Variants in CACNA2D3 observed in about 807,000 individuals in gnomAD.
CACNA2D3 encodes the protein calcium voltage-gated channel auxiliary subunit alpha2delta 3, also known as voltage-dependent calcium channel subunit alpha-2/delta-3.
CACNA2D3 carries 60 observed loss-of-function variants against 160.6 expected under a neutral mutation model. The observed-to-expected ratio is 0.37, with a 90% CI of 0.30 to 0.46. The LOEUF is 0.46. Among genes scored for constraint, CACNA2D3 ranks in the 20% least tolerant of loss-of-function variants. The pLI, the probability that CACNA2D3 is intolerant of heterozygous loss-of-function variation, is 1.00. For synonymous variants in CACNA2D3, 558 were observed against 492.9 expected, an observed-to-expected ratio of 1.13 and a Z score of -1.75; for missense variants, 1,205 against 1,365.0, an observed-to-expected ratio of 0.88 and a Z score of 1.85.
intron 2 of CACNA2D3, among the ~76,000 whole-genome samples, chr3:54,310,916 G>A (rs914472665): frequency 1.6e-4 from 25 of 152,140 alleles, no homozygotes; most frequent in African/African-American, 6.0e-4. Flanking sequence ...CTTGTTACGT[G>A]GCTAGTACAT....
At chr3:54,242,614 A>C (rs1475437197) in intron 2 of CACNA2D3, among the ~76,000 whole-genome samples, 1 of 152,210 alleles carries the variant, frequency 6.6e-6, no homozygotes, top group Non-Finnish European at 1.5e-5. Flanking sequence ...CCAGGCAGCT[A>C]CTGAGTGACA....
At chr3:54,186,355 G>T (rs1700878192) in intron 2 of CACNA2D3, among the ~76,000 whole-genome samples, 1 of 152,076 alleles carries the variant, frequency 6.6e-6, no homozygotes, top group East Asian at 1.9e-4. Context: ...TGAATCTAGG[G>T]GTGAATTCCA....
intron 27 of CACNA2D3, among the ~76,000 whole-genome samples, chr3:54,953,384 G>C (rs9839256): frequency 0.41 from 61,651 of 151,956 alleles, 14,055 homozygotes; most frequent in East Asian, 0.75. Flanking sequence ...GGTGGGGCCC[G>C]GTAACACTAC....
chr3:54,764,261 T>C lies in CACNA2D3; in HGVS notation c.1290T>C (p.Asn430=), dbSNP rs772632572. 1.9e-6 allele frequency: 3 copies of C among 1,613,720 alleles called. No homozygotes were observed. The highest frequency in any genetic ancestry group is 3.3e-5 in the Admixed American group (2 of 59,994). The stretch of plus-strand genomic sequence containing the variant: ...CCACCTTGGCTGATGTGCAGGAGAA[T>C]GTCATGGAATACCTTCACGTGCTTA... ...QISTLADVQE[N]VMEYLHVLSR... The change falls in exon 13 of 38, where the codon AAT becomes AAC. Residue 430 remains asparagine, a synonymous_variant. Coordinates refer to ENST00000474759, the MANE Select transcript of CACNA2D3 (RefSeq NM_018398.3).
chr3:54,315,740 T>C (rs909769815), intron 2 of CACNA2D3, among the ~76,000 whole-genome samples: 1 of 151,850 alleles, frequency 6.6e-6, no homozygotes, highest in Non-Finnish European at 1.5e-5. Context: ...CCTGGGCCTG[T>C]GATACACGTG....
At chr3:54,340,416 A>G (rs1304762443) in intron 3 of CACNA2D3, among the ~76,000 whole-genome samples, 1 of 152,236 alleles carries the variant, frequency 6.6e-6, no homozygotes, top group Non-Finnish European at 1.5e-5. Flanking sequence ...AGTATTTTTA[A>G]CAATCCATTT....
intron 31 of CACNA2D3, among the ~76,000 whole-genome samples, chr3:54,992,780 G>C (rs959174355): frequency 7.3e-6 from 1 of 137,366 alleles, no homozygotes; most frequent in African/African-American, 2.7e-5. Flanking sequence ...TGAACAACAA[G>C]AAAAAAAAAA....
intron 4 of CACNA2D3, among the ~76,000 whole-genome samples, chr3:54,447,678 G>A (rs751542851): frequency 1.3e-5 from 2 of 152,198 alleles, no homozygotes; most frequent in Non-Finnish European, 2.9e-5. Flanking sequence ...ACAGTTACAC[G>A]TCAAAGCAAA....
intron 4 of CACNA2D3, among the ~76,000 whole-genome samples, chr3:54,410,418 G>A (rs1186225916): frequency 6.6e-6 from 1 of 152,110 alleles, no homozygotes; most frequent in Non-Finnish European, 1.5e-5. Context: ...CAAAGCTCGG[G>A]CTGACTCTCT....
At chr3:54,937,613 C>T (rs1420403295) in intron 27 of CACNA2D3, among the ~76,000 whole-genome samples, 6 of 152,110 alleles carry the variant, frequency 3.9e-5, no homozygotes. Flanking sequence ...TACATGGTTC[C>T]ATAAGAGAAT....
intron 35 of CACNA2D3, among the ~76,000 whole-genome samples, chr3:55,039,136 C>T (rs1386010608): frequency 6.6e-6 from 1 of 151,942 alleles, no homozygotes; most frequent in African/African-American, 2.4e-5. Context: ...AAATACATTT[C>T]TTGAAATAGA....
chr3:54,148,063 C>A (rs1037734207), intron 2 of CACNA2D3, among the ~76,000 whole-genome samples: 1 of 152,228 alleles, frequency 6.6e-6, no homozygotes, highest in African/African-American at 2.4e-5. Flanking sequence ...TCCCAAAGTG[C>A]TGGGATTACA....
chr3:54,948,235 G>A (rs182034797), intron 27 of CACNA2D3, among the ~76,000 whole-genome samples: 71 of 152,312 alleles, frequency 4.7e-4, no homozygotes, highest in African/African-American at 1.7e-3. Context: ...AAAAGTATGT[G>A]TGATGTGAGC....
chr3:54,225,582 C>T (rs1701656387), intron 2 of CACNA2D3, among the ~76,000 whole-genome samples: 1 of 152,176 alleles, frequency 6.6e-6, no homozygotes, highest in Non-Finnish European at 1.5e-5. Context: ...ATCTGATTTA[C>T]TGTTAAACAC....
chr3:54,523,303 T>C (rs1020068503), intron 5 of CACNA2D3, among the ~76,000 whole-genome samples: 2 of 152,170 alleles, frequency 1.3e-5, no homozygotes, highest in South Asian at 2.1e-4. Context: ...TAAATGATCA[T>C]GTGGCTTTTG....
At chr3:54,322,724 A>G (rs1487390972) in intron 3 of CACNA2D3, among the ~76,000 whole-genome samples, 3 of 152,130 alleles carry the variant, frequency 2.0e-5, no homozygotes, top group Non-Finnish European at 4.4e-5. Flanking sequence ...CAGCTTTAGG[A>G]AACACCTGGA....
intron 2 of CACNA2D3, among the ~76,000 whole-genome samples, chr3:54,143,690 G>A (rs554848628): frequency 1.6e-3 from 227 of 146,430 alleles, no homozygotes; most frequent in African/African-American, 5.3e-3. Context: ...TAGTAGAGAC[G>A]GGGTTTCACT....
At chr3:54,822,783 TTTCTTTCCTTTCTTTCTTTCTTTC>T (rs1703649367) in intron 14 of CACNA2D3, among the ~76,000 whole-genome samples, 2 of 82,448 alleles carry the variant, frequency 2.4e-5, no homozygotes, top group African/African-American at 9.3e-5. Flanking sequence ...TCTTTCTTTC[TTTCTTTCCTTTCTTTCTTTCTTTC>T]TTTCTTTCTT....
At chr3:55,069,427 T>C (rs965114206) in intron 35 of CACNA2D3, among the ~76,000 whole-genome samples, 17 of 152,222 alleles carry the variant, frequency 1.1e-4, no homozygotes, top group Admixed American at 4.6e-4. Context: ...CCTCAGTAAA[T>C]TTGCATCATT....
Sources: gnomAD v4.1 joint callset for allele counts (sites outside exome capture counted in the v4.1 genomes callset) on GRCh38, gnomAD v4.1.1 for gene constraint, MANE v1.5 for transcripts, NCBI Gene and HGNC (gene_info 2026-07-23, HGNC 2026-07-21) for gene names.